The following HCN1 variants were observed in gnomAD, a reference collection of about 807,000 sequenced individuals.
HCN1 encodes the protein potassium/sodium hyperpolarization-activated cyclic nucleotide-gated channel 1.
In HCN1, 13 loss-of-function variants were observed where a neutral mutation model predicts 78.9. The observed-to-expected ratio is 0.16, with a 90% CI of 0.11 to 0.26. The LOEUF (loss-of-function observed/expected upper bound fraction) is 0.26. Ranked by LOEUF, HCN1 falls within the 10% of genes least tolerant of loss-of-function variation. The probability of loss-of-function intolerance (pLI) is 1.00; values close to 1 mark genes in which losing one functional copy is unlikely to be tolerated. For synonymous variants in HCN1, 552 were observed against 455.5 expected (o/e 1.21, Z -2.70); for missense variants, 810 against 1,154.3 (o/e 0.70, Z 4.32).
intron 3 of HCN1, among the ~76,000 whole-genome samples, chr5:45,424,288 G>T (rs1017404287): frequency 6.6e-6 from 1 of 151,482 alleles, no homozygotes; most frequent in Non-Finnish European, 1.5e-5. Context: ...GCTAGACTCC[G>T]CCTCAAACAA....
intron 4 of HCN1, among the ~76,000 whole-genome samples, chr5:45,363,789 C>T (rs982354882): frequency 2.6e-5 from 4 of 151,960 alleles, no homozygotes; most frequent in Non-Finnish European, 5.9e-5. Context: ...TTTTCTTTTG[C>T]TGTCGCCAAA....
At chr5:45,508,777 T>C (rs1742356033) in intron 2 of HCN1, among the ~76,000 whole-genome samples, 2 of 152,162 alleles carry the variant, frequency 1.3e-5, no homozygotes, top group Admixed American at 1.3e-4. Flanking sequence ...AAACAGATGA[T>C]GCAAGTAGGC....
chr5:45,677,147 A>AC (rs1387810409), intron 1 of HCN1, among the ~76,000 whole-genome samples: 4 of 151,718 alleles, frequency 2.6e-5, no homozygotes, highest in Non-Finnish European at 5.9e-5. Context: ...ATTAGATGAA[A>AC]CCCCTAGCTC....
At chr5:45,438,121 A>T (rs547285162) in intron 3 of HCN1, among the ~76,000 whole-genome samples, 242 of 152,344 alleles carry the variant, frequency 1.6e-3, no homozygotes, top group African/African-American at 5.6e-3. Context: ...ACTATGTAAG[A>T]GGGAATTTAT....
At position 45,301,369 on chromosome 5, in the gene HCN1, T is replaced by C. The variant is rs980165688; in HGVS notation, c.1618+2230A>G. ...AATAATAAAATATAATAAATTATAA[T>C]AACAGAGTAGTCATGATAAAATGTA... On this transcript the variant is annotated intron_variant, in intron 6 of 7. Transcript: ENST00000303230. Among the ~76,000 whole-genome samples the C allele has an allele frequency of 3.0e-4, 42 of 139,256 alleles. 1 individual carries two copies. The highest frequency in any genetic ancestry group is 2.9e-3 in the Admixed American group (38 of 13,120). 91.4% of individuals were successfully genotyped at this position (139,256 alleles called of 152,430 possible).
chr5:45,395,468 T>C (rs1739668028), intron 4 of HCN1, among the ~76,000 whole-genome samples: 1 of 152,212 alleles, frequency 6.6e-6, no homozygotes, highest in Non-Finnish European at 1.5e-5. Context: ...CTCACTGTAA[T>C]AGCTAGTGGC....
chr5:45,617,434 G>T (rs565351132), intron 2 of HCN1: 4 of 152,240 alleles, frequency 2.6e-5, no homozygotes, highest in African/African-American at 9.6e-5. Context: ...CACGAGTGGT[G>T]ACCATGGGTT....
intron 4 of HCN1, among the ~76,000 whole-genome samples, chr5:45,391,019 A>AT (rs1739548866): frequency 6.6e-6 from 1 of 152,080 alleles, no homozygotes; most frequent in Non-Finnish European, 1.5e-5. Flanking sequence ...TCTACTACCA[A>AT]TTTAACATAC....
intron 3 of HCN1, among the ~76,000 whole-genome samples, chr5:45,452,202 C>G (rs377159101): frequency 6.6e-5 from 10 of 151,818 alleles, no homozygotes; most frequent in African/African-American, 2.4e-4. Flanking sequence ...GCCTATTTCT[C>G]TATGCATGAA....
At chr5:45,588,575 T>C (rs1427262917) in intron 2 of HCN1, among the ~76,000 whole-genome samples, 1 of 152,164 alleles carries the variant, frequency 6.6e-6, no homozygotes, top group Non-Finnish European at 1.5e-5. Flanking sequence ...ACTCACCTCC[T>C]GCCCCACCAG....
At chr5:45,577,399 G>A (rs1579978886) in intron 2 of HCN1, among the ~76,000 whole-genome samples, 1 of 151,924 alleles carries the variant, frequency 6.6e-6, no homozygotes, top group East Asian at 1.9e-4. Flanking sequence ...AATTAGCTGT[G>A]CTATGTCATA....
chr5:45,674,319 ACT>A (rs1164222161), intron 1 of HCN1, among the ~76,000 whole-genome samples: 1 of 151,478 alleles, frequency 6.6e-6, no homozygotes, highest in Admixed American at 6.6e-5. Context: ...GTGCCACAGA[ACT>A]CTCTGAGAAG....
intron 3 of HCN1, among the ~76,000 whole-genome samples, chr5:45,426,329 G>T (rs571229242): frequency 6.6e-6 from 1 of 152,160 alleles, no homozygotes; most frequent in African/African-American, 2.4e-5. Context: ...ATGGGAGCAA[G>T]AACTTAAACA....
At chr5:45,356,930 T>C (rs886871925) in intron 4 of HCN1, among the ~76,000 whole-genome samples, 2 of 152,076 alleles carry the variant, frequency 1.3e-5, no homozygotes, top group Non-Finnish European at 2.9e-5. Context: ...ATTTCCTTTC[T>C]TGCTCATCAG....
chr5:45,579,124 G>T (rs1036838340), intron 2 of HCN1, among the ~76,000 whole-genome samples: 8 of 151,930 alleles, frequency 5.3e-5, no homozygotes, highest in Non-Finnish European at 7.4e-5. Flanking sequence ...AATATACACA[G>T]AACTATTGAA....
chr5:45,473,644 A>T (rs1741453666), intron 2 of HCN1, among the ~76,000 whole-genome samples: 1 of 148,144 alleles, frequency 6.8e-6, no homozygotes, highest in Non-Finnish European at 1.5e-5. Context: ...TCTTCCTAGG[A>T]CTCTATGTCT....
intron 2 of HCN1, among the ~76,000 whole-genome samples, chr5:45,470,402 C>G (rs1741367155): frequency 2.0e-5 from 3 of 151,800 alleles, no homozygotes; most frequent in African/African-American, 7.3e-5. Context: ...GTGCAACCCC[C>G]CTAAAAAAGA....
At chr5:45,591,603 T>C (rs1194603788) in intron 2 of HCN1, among the ~76,000 whole-genome samples, 1 of 152,224 alleles carries the variant, frequency 6.6e-6, no homozygotes, top group Non-Finnish European at 1.5e-5. Flanking sequence ...CTTTGGCCCA[T>C]TTTTAAAATC....
intron 4 of HCN1, among the ~76,000 whole-genome samples, chr5:45,395,799 C>T (rs141208598): frequency 6.6e-6 from 1 of 152,256 alleles, no homozygotes; most frequent in East Asian, 1.9e-4. Flanking sequence ...AATATTAGTA[C>T]TGTCCCAATA....
Sources: allele counts gnomAD v4.1 joint callset (sites outside exome capture counted in the v4.1 genomes callset), GRCh38; gene constraint gnomAD v4.1.1; transcripts MANE v1.5; gene names NCBI Gene and HGNC (gene_info 2026-07-23, HGNC 2026-07-21).